STXBP5L: variants seen among roughly 807,000 people sequenced by gnomAD.
STXBP5L encodes syntaxin-binding protein 5-like.
In STXBP5L, 65 loss-of-function variants were observed where a neutral mutation model predicts 144.5. The ratio of observed to expected loss-of-function variants is 0.45; its 90% CI spans 0.37 to 0.55. The LOEUF is 0.55. Among genes scored for constraint, STXBP5L ranks in the 20% least tolerant of loss-of-function variants. The pLI is 0.00. For synonymous variants in STXBP5L, 505 were observed against 469.6 expected, an observed-to-expected ratio of 1.08 and a Z score of -0.97; for missense variants, 1,298 against 1,405.5, an observed-to-expected ratio of 0.92 and a Z score of 1.22.
At chr3:121,341,272 T>A (rs150246020) in intron 20 of STXBP5L, among the ~76,000 whole-genome samples, 1 of 152,104 alleles carries the variant, frequency 6.6e-6, no homozygotes, top group Non-Finnish European at 1.5e-5. Flanking sequence ...AACAAGCACA[T>A]AAAGGTGCTC....
At position 121,093,162 on chromosome 3, in the gene STXBP5L, G is replaced by C. The variant is rs139237734; in HGVS notation, c.471-21763G>C. 4.9e-4 allele frequency among the ~76,000 whole-genome samples: 74 copies of C among 152,332 alleles called. 1 individual carries two copies. Among genetic ancestry groups the C allele is most frequent in the African/African-American group, 1.8e-3 (73 of 41,574 alleles). ...GGAGAAGCTTTTTAATGTGCTGCTGGATTCGGTTTGCCAGTATTTTATTGA... is the reference window on the plus strand; with the variant it reads ...GGAGAAGCTTTTTAATGTGCTGCTGCATTCGGTTTGCCAGTATTTTATTGA... On this transcript the variant is annotated intron_variant, in intron 5 of 26. Transcript: ENST00000471454.
At chr3:121,295,807 A>G (rs2051628182) in intron 19 of STXBP5L, among the ~76,000 whole-genome samples, 1 of 152,226 alleles carries the variant, frequency 6.6e-6, no homozygotes, top group Non-Finnish European at 1.5e-5. Context: ...GTGAAATCAA[A>G]TTGAAAACAT....
intron 5 of STXBP5L, among the ~76,000 whole-genome samples, chr3:121,054,784 T>G (rs1363406202): frequency 8.6e-6 from 1 of 115,608 alleles, no homozygotes; most frequent in African/African-American, 3.6e-5. Context: ...TTCTTTTTCT[T>G]TACCAGTAAA....
At chr3:121,375,604 G>T (rs1576314913) in intron 20 of STXBP5L, among the ~76,000 whole-genome samples, 1 of 152,112 alleles carries the variant, frequency 6.6e-6, no homozygotes, top group Non-Finnish European at 1.5e-5. Flanking sequence ...GGTTAAATGA[G>T]GTAATGTGTA....
chr3:121,315,286 C>T lies in STXBP5L; in HGVS notation c.2111-3189C>T, dbSNP rs566157685. ...TTAAGAAAATGTGGCACATATACAC[C>T]ATGGAATACTATGCAGCCATAAAAA... is the stretch of plus-strand genomic sequence containing the variant. On this transcript the variant is annotated intron_variant, in intron 19 of 26. Coordinates refer to ENST00000471454, the MANE Select transcript of STXBP5L (RefSeq NM_001308330.2). 8.9e-4 allele frequency among the ~76,000 whole-genome samples: 135 copies of T among 152,106 alleles called. 1 individual carries two copies. The highest frequency in any genetic ancestry group is 3.2e-3 in the African/African-American group (133 of 41,482).
rs576664650 is a variant in STXBP5L at position 121,118,106 on chromosome 3, CT to C, written c.605+3048del. ...ATCATTCAAGCATGTTTACTGAGCT[CT>C]ATTATATGATAGATACTAGAAACAA... On this transcript the variant is annotated intron_variant, in intron 6 of 26. Transcript: ENST00000471454. 2.4e-3 allele frequency among the ~76,000 whole-genome samples: 362 copies of C among 151,682 alleles called. 2 individuals are homozygous for C. The highest frequency in any genetic ancestry group is 4.0e-3 in the Non-Finnish European group (269 of 67,652).
intron 7 of STXBP5L, among the ~76,000 whole-genome samples, chr3:121,149,974 TTCA>T (rs2045872302): frequency 6.6e-6 from 1 of 152,158 alleles, no homozygotes; most frequent in Admixed American, 6.5e-5. Flanking sequence ...CCTCTTAAGA[TTCA>T]TCTGTGTCTT....
chr3:121,108,065 A>G (rs565313257), intron 5 of STXBP5L, among the ~76,000 whole-genome samples: 1 of 152,300 alleles, frequency 6.6e-6, no homozygotes, highest in Middle Eastern at 3.4e-3. Flanking sequence ...TTGATTTTGT[A>G]TGCTGAGACT....
At chr3:121,062,758 CTCTTCAT>C (rs2041347077) in intron 5 of STXBP5L, among the ~76,000 whole-genome samples, 1 of 152,082 alleles carries the variant, frequency 6.6e-6, no homozygotes, top group African/African-American at 2.4e-5. Context: ...CATTAAGTTG[CTCTTCAT>C]TCTTGACATT....
chr3:121,091,467 C>A (rs1448759722), intron 5 of STXBP5L, among the ~76,000 whole-genome samples: 1 of 152,076 alleles, frequency 6.6e-6, no homozygotes, highest in East Asian at 1.9e-4. Context: ...TAATGATTGC[C>A]ATTCTAACTG....
At chr3:121,297,452 T>C (rs2051701120) in intron 19 of STXBP5L, among the ~76,000 whole-genome samples, 1 of 152,036 alleles carries the variant, frequency 6.6e-6, no homozygotes, top group Non-Finnish European at 1.5e-5. Flanking sequence ...AGAACTATTA[T>C]AAGAATATAT....
At chr3:121,237,178 C>A (rs2049509559) in intron 12 of STXBP5L, among the ~76,000 whole-genome samples, 1 of 152,244 alleles carries the variant, frequency 6.6e-6, no homozygotes, top group African/African-American at 2.4e-5. Context: ...CATGGGCACC[C>A]AGGCTTTTTG....
At chr3:121,387,677 C>G (rs2046459783) in intron 22 of STXBP5L, among the ~76,000 whole-genome samples, 1 of 152,142 alleles carries the variant, frequency 6.6e-6, no homozygotes, top group Non-Finnish European at 1.5e-5. Context: ...TTCCCCATTT[C>G]TTGTTTTTGT....
intron 22 of STXBP5L, among the ~76,000 whole-genome samples, chr3:121,391,349 A>G (rs1387620629): frequency 1.3e-5 from 2 of 152,046 alleles, no homozygotes; most frequent in African/African-American, 4.8e-5. Flanking sequence ...TTTAGCTTGG[A>G]GAAGTTTCTT....
At chr3:120,980,883 G>T (rs919443138) in intron 3 of STXBP5L, among the ~76,000 whole-genome samples, 2 of 152,056 alleles carry the variant, frequency 1.3e-5, no homozygotes, top group Non-Finnish European at 2.9e-5. Flanking sequence ...AAAATTTCTT[G>T]TATAGCTGGT....
intron 3 of STXBP5L, among the ~76,000 whole-genome samples, chr3:120,993,348 C>G (rs141811391): frequency 6.6e-6 from 1 of 151,934 alleles, no homozygotes; most frequent in African/African-American, 2.4e-5. Flanking sequence ...GTTTTTGTTG[C>G]GTATGCTTTT....
At chr3:121,208,803 A>G (rs561581383) in intron 10 of STXBP5L, among the ~76,000 whole-genome samples, 1 of 152,104 alleles carries the variant, frequency 6.6e-6, no homozygotes, top group Non-Finnish European at 1.5e-5. Flanking sequence ...GTTTTGGAAT[A>G]CATGTGTAAA....
At chr3:121,211,459 A>T (rs544868562) in intron 10 of STXBP5L, among the ~76,000 whole-genome samples, 2 of 152,068 alleles carry the variant, frequency 1.3e-5, no homozygotes, top group South Asian at 4.2e-4. Flanking sequence ...AACCTCCAAC[A>T]CTATGTTGAA....
At chr3:120,984,385 T>C (rs1000594351) in intron 3 of STXBP5L, among the ~76,000 whole-genome samples, 1 of 152,170 alleles carries the variant, frequency 6.6e-6, no homozygotes, top group Non-Finnish European at 1.5e-5. Context: ...AATAGTTTCT[T>C]GAATTTTTGT....
Sources: gnomAD v4.1 joint callset for allele counts (sites outside exome capture counted in the v4.1 genomes callset) on GRCh38, gnomAD v4.1.1 for gene constraint, MANE v1.5 for transcripts, NCBI Gene and HGNC (gene_info 2026-07-23, HGNC 2026-07-21) for gene names.